RAD51AP2: variants seen among roughly 807,000 people sequenced by gnomAD.
The protein encoded by RAD51AP2 is RAD51-associated protein 2.
Under a neutral mutation model 85.5 loss-of-function variants are expected in RAD51AP2, and 67 were observed. That is an observed-to-expected ratio of 0.78 (90% CI 0.64 to 0.96). The LOEUF is 0.96. Ranked by LOEUF, RAD51AP2 falls within the 40% of genes least tolerant of loss-of-function variation. RAD51AP2 has a pLI of 0.00. For synonymous variants in RAD51AP2, 474 were observed against 446.5 expected (o/e 1.06, Z -0.78); for missense variants, 1,307 against 1,332.4 (o/e 0.98, Z 0.30).
chr2:17,515,290 T>G lies in RAD51AP2; in HGVS notation c.3126A>C (p.Lys1042Asn). Reference sequence around the variant, plus strand: ...TCCATTTAAATAAACTTTGGTGACTTTTGCCCATATTAGGACCTGCTATAG... The same window carrying G: ...TCCATTTAAATAAACTTTGGTGACTGTTGCCCATATTAGGACCTGCTATAG... Reference protein sequence around the residue: ...HDTIAGPNMGKSHQSLFKWKT... With the variant: ...HDTIAGPNMGNSHQSLFKWKT... The change falls in exon 1 of 3, where the codon AAA (lysine) becomes AAC (asparagine). Residue 1042 changes from lysine (K) to asparagine (N), a missense_variant. Lys to Asn is a moderately conservative substitution (Grantham distance 94). This residue lies in a region of RAD51AP2 where 668 missense variants were observed against 671.0 expected (regional missense o/e 1.00). Coordinates refer to ENST00000399080, the MANE Select transcript of RAD51AP2 (RefSeq NM_001099218.3). The G allele has an allele frequency of 6.2e-7, 1 of 1,613,814 alleles. No homozygotes were observed. The highest frequency in any genetic ancestry group is 8.5e-7 in the Non-Finnish European group (1 of 1,179,852).
upstream of RAD51AP2, among the ~76,000 whole-genome samples, chr2:17,519,070 C>G (rs931388090): frequency 4.6e-5 from 7 of 151,974 alleles, no homozygotes; most frequent in African/African-American, 1.5e-4. Context: ...AAATTATTAT[C>G]CGGATAATTA....
chr2:17,535,674 C>T, the RAD51AP2 span, among the ~76,000 whole-genome samples: 1 of 151,934 alleles, frequency 6.6e-6, no homozygotes, highest in Non-Finnish European at 1.5e-5. Context: ...TAGTGGGCAT[C>T]GTCAAAGTGC....
At chr2:17,521,639 G>C (rs191234192), upstream of RAD51AP2, among the ~76,000 whole-genome samples, 16 of 151,994 alleles carry the variant, frequency 1.1e-4, no homozygotes, top group African/African-American at 3.9e-4. Context: ...ATAAGCACTA[G>C]GGGAAAATAA....
At chr2:17,529,743 A>G in the RAD51AP2 span, among the ~76,000 whole-genome samples, 1 of 152,244 alleles carries the variant, frequency 6.6e-6, no homozygotes, top group East Asian at 1.9e-4. Context: ...TTAGCAGGGA[A>G]GTATTCATGG....
chr2:17,513,991 A>T, intron 2 of RAD51AP2, 21 bp downstream of exon 2: 1 of 1,305,706 alleles, frequency 7.7e-7, no homozygotes, highest in Non-Finnish European at 1.1e-6. Context: ...AAGTTATCCT[A>T]AAAAGTAACC....
At chr2:17,514,235 CT>C in intron 1 of RAD51AP2, 143 bp from the exon 2 acceptor site, 1 of 747,154 alleles carries the variant, frequency 1.3e-6, no homozygotes, top group Non-Finnish European at 2.3e-6. Context: ...TTCAAAGCTC[CT>C]TTTTAAAATT....
At chr2:17,533,089 CTCT>C in the RAD51AP2 span, among the ~76,000 whole-genome samples, 2 of 152,132 alleles carry the variant, frequency 1.3e-5, no homozygotes, top group African/African-American at 4.8e-5. Flanking sequence ...TTAAGTTTTA[CTCT>C]TCTTGTCTCT....
chr2:17,536,172 G>C, the RAD51AP2 span, among the ~76,000 whole-genome samples: 1 of 152,176 alleles, frequency 6.6e-6, no homozygotes, highest in Non-Finnish European at 1.5e-5. Context: ...ACAGATTAAA[G>C]GGAGAAACAA....
In RAD51AP2 at chr2:17,516,529, T is replaced by C. The variant is rs1662674578; in HGVS notation, c.1887A>G (p.Leu629=). The part of the protein sequence containing the change: ...KNIVENHTAY[L]VKILTSSRLL... ...GTCTTGAAGAAGTTAAAATCTTTACTAGATATGCAGTATGATTTTCCACTA... is the reference window on the plus strand; with the variant it reads ...GTCTTGAAGAAGTTAAAATCTTTACCAGATATGCAGTATGATTTTCCACTA... Residue 629 remains leucine (L), a synonymous_variant, in exon 1 of 3, where the codon CTA becomes CTG. Coordinates refer to ENST00000399080, the MANE Select transcript of RAD51AP2 (RefSeq NM_001099218.3). 6.5e-7 allele frequency: 1 copy of C among 1,549,786 alleles called. No homozygotes were observed. Among genetic ancestry groups the C allele is most frequent in the Non-Finnish European group, 8.8e-7 (1 of 1,134,678 alleles).
rs1219832587 is a variant in RAD51AP2, at chr2:17,518,131, A to G, written c.285T>C (p.Ser95=). Reference sequence around the variant, plus strand: ...ATTTCAGATTACATATCTGCTTCCCACTGACTGATTTCTCCACACACGAGT... The same window carrying G: ...ATTTCAGATTACATATCTGCTTCCCGCTGACTGATTTCTCCACACACGAGT... ...STDSCVEKSV[S]GKQICNLKCS... The change falls in exon 1 of 3, where the codon AGT becomes AGC. Residue 95 remains serine (S), a synonymous_variant. Transcript: ENST00000399080. 1.2e-6 allele frequency: 2 copies of G among 1,614,150 alleles called. No individual in the cohort carries two copies. The highest frequency in any genetic ancestry group is 8.5e-7 in the Non-Finnish European group (1 of 1,180,020).
chr2:17,528,170 T>C, the RAD51AP2 span, among the ~76,000 whole-genome samples: 1 of 152,226 alleles, frequency 6.6e-6, no homozygotes, highest in South Asian at 2.1e-4. Context: ...TTTTGATCCC[T>C]GCTTTAATGT....
At position 17,516,182 on chromosome 2, in the gene RAD51AP2, T is replaced by C. The variant is rs1282249471; in HGVS notation, c.2234A>G (p.Asn745Ser). ...AAAATTTTCATTAATGTATCCTCGG[T>C]TGTTCTGTATAAATTGAGGACAAGA... ...GNSCPQFIQN[N>S]RGYINENFYE... Residue 745 changes from asparagine to serine, a missense_variant, in exon 1 of 3, where the codon AAC (asparagine) becomes AGC (serine). Physicochemically the swap from Asn to Ser is conservative, Grantham distance 46 (BLOSUM62 1). Transcript: ENST00000399080. 6 of 1,613,398 alleles carry C rather than the reference T, an allele frequency of 3.7e-6. No homozygotes were observed. Among genetic ancestry groups the C allele is most frequent in the Non-Finnish European group, 5.1e-6 (6 of 1,179,648 alleles).
In RAD51AP2 at chr2:17,517,950, TA is replaced by T; in HGVS notation, c.465del (p.Ser156ValfsTer38). 6.2e-7 allele frequency: 1 copy of T among 1,614,192 alleles called. No homozygotes were observed. The highest frequency in any genetic ancestry group is 2.2e-5 in the East Asian group (1 of 44,886). On this transcript the variant is annotated frameshift_variant, in exon 1 of 3. Transcript: ENST00000399080. LOFTEE classifies it high-confidence loss of function. ...VHRSNSSKAGVSQLLPSTSIH... is the reference protein window; with the variant it reads ...VHRSNSSKAGXSQLLPSTSIH... ...ATAGAGGTGCTGGGCAGAAGTTGAC[TA>T]ACCCCTGCTTTGGAGCTATTACTGC...
the RAD51AP2 span, among the ~76,000 whole-genome samples, chr2:17,529,314 A>T: frequency 2.0e-5 from 3 of 151,980 alleles, no homozygotes; most frequent in African/African-American, 7.2e-5. Context: ...ACTAAAAAAC[A>T]ACTGTTTTCT....
chr2:17,516,737 T>C lies in RAD51AP2; in HGVS notation c.1679A>G (p.Lys560Arg). The change falls in exon 1 of 3, where the codon AAG becomes AGG. Residue 560 changes from lysine (K) to arginine (R), a missense_variant. Coordinates refer to ENST00000399080, the MANE Select transcript of RAD51AP2 (RefSeq NM_001099218.3). ...TAAATATATGCTTAAAATTCCATTC[T>C]TTATATTTGTATTCATGTTTCTGGT... ...LITRNMNTNI[K>R]NGILSIYLQD... The C allele has an allele frequency of 6.4e-7, 1 of 1,571,942 alleles. No homozygotes were observed. The highest frequency in any genetic ancestry group is 2.3e-5 in the East Asian group (1 of 44,352).
rs1662710402 is a variant in RAD51AP2, at chr2:17,517,270, GTCCAGACAT to G, written c.1137_1145del (p.Glu379_Leu381del). 2 of 1,613,690 alleles carry G rather than the reference GTCCAGACAT, an allele frequency of 1.2e-6. No homozygotes were observed. The highest frequency in any genetic ancestry group is 2.2e-5 in the South Asian group (2 of 91,072). The stretch of plus-strand genomic sequence containing the variant: ...TTTCCAGCCTGGTAAGTACGTAACT[GTCCAGACAT>G]TCTGCTTCCTCCCAATTTGCATTTT... On this transcript the variant is annotated inframe_deletion, in exon 1 of 3. Transcript: ENST00000399080.
At chr2:17,513,472 C>T (rs12471615) in intron 2 of RAD51AP2, among the ~76,000 whole-genome samples, 40,562 of 151,862 alleles carry the variant, frequency 0.27, 5,969 homozygotes, top group Middle Eastern at 0.33. Context: ...CTCCTGACCT[C>T]GTGATCCGCC....
the RAD51AP2 span, among the ~76,000 whole-genome samples, chr2:17,523,726 T>C: frequency 1.3e-5 from 2 of 151,892 alleles, no homozygotes; most frequent in East Asian, 1.9e-4. Flanking sequence ...ACTTAACATA[T>C]ACAAAAAAGT....
chr2:17,512,321 C>G (rs773071538), intron 2 of RAD51AP2, among the ~76,000 whole-genome samples: 1 of 152,204 alleles, frequency 6.6e-6, no homozygotes, highest in Non-Finnish European at 1.5e-5. Context: ...TTCATATTAA[C>G]CCCATTCCCC....
Sources: allele counts gnomAD v4.1 joint callset (sites outside exome capture counted in the v4.1 genomes callset), GRCh38; gene constraint gnomAD v4.1.1; regional missense constraint gnomAD v4.1.1; transcripts MANE v1.5; gene names NCBI Gene and HGNC (gene_info 2026-07-23, HGNC 2026-07-21).